GRK5: variants seen among roughly 807,000 people sequenced by gnomAD.
The protein encoded by GRK5 is G protein-coupled receptor kinase 5, also known as g protein-coupled receptor kinase GRK5.
GRK5 carries 40 observed loss-of-function variants against 78.4 expected under a neutral mutation model. The ratio of observed to expected loss-of-function variants is 0.51; its 90% CI spans 0.40 to 0.66. The LOEUF (loss-of-function observed/expected upper bound fraction) is 0.66. Ranked by LOEUF, GRK5 falls within the 30% of genes least tolerant of loss-of-function variation. The pLI, the probability that GRK5 is intolerant of heterozygous loss-of-function variation, is 0.00. For missense variants in GRK5, 598 were observed against 759.9 expected (o/e 0.79, Z 2.50); for synonymous variants, 289 against 296.8 (o/e 0.97, Z 0.27).
intron 4 of GRK5, among the ~76,000 whole-genome samples, chr10:119,410,044 C>A (rs1852308344): frequency 6.6e-6 from 1 of 152,386 alleles, no homozygotes; most frequent in African/African-American, 2.4e-5. Context: ...GTCCCGCGAG[C>A]CCCCGCGTGC....
chr10:119,425,629 C>T (rs991362113), intron 6 of GRK5, among the ~76,000 whole-genome samples: 1 of 152,252 alleles, frequency 6.6e-6, no homozygotes, highest in Non-Finnish European at 1.5e-5. Flanking sequence ...CCCTGACCTC[C>T]AGTGCCACAG....
intron 2 of GRK5, among the ~76,000 whole-genome samples, chr10:119,354,928 C>T (rs939714018): frequency 3.3e-5 from 5 of 152,216 alleles, no homozygotes; most frequent in East Asian, 1.9e-4. Context: ...TGGTATCCAT[C>T]GGGGACTGGC....
chr10:119,266,858 T>C (rs1471574460), intron 1 of GRK5, among the ~76,000 whole-genome samples: 1 of 150,296 alleles, frequency 6.7e-6, no homozygotes, highest in African/African-American at 2.4e-5. Flanking sequence ...CACTGCAGCC[T>C]TGAACTCCTG....
chr10:119,214,558 C>CTG (rs970840230), intron 1 of GRK5, among the ~76,000 whole-genome samples: 10 of 152,176 alleles, frequency 6.6e-5, no homozygotes, highest in Non-Finnish European at 4.4e-5. Flanking sequence ...GTCTTGCTGT[C>CTG]ACCCAGTCTG....
intron 3 of GRK5, among the ~76,000 whole-genome samples, chr10:119,396,406 G>C (rs1214368845): frequency 6.6e-6 from 1 of 152,228 alleles, no homozygotes; most frequent in Admixed American, 6.5e-5. Flanking sequence ...ATGGGTCTAG[G>C]GTGGGGCCTA....
chr10:119,376,426 A>T (rs1238354383), intron 2 of GRK5, among the ~76,000 whole-genome samples: 3 of 152,234 alleles, frequency 2.0e-5, no homozygotes, highest in Non-Finnish European at 4.4e-5. Flanking sequence ...GGAAACTTCT[A>T]GTATCAAAAA....
At chr10:119,375,325 G>T (rs1431418428) in intron 2 of GRK5, among the ~76,000 whole-genome samples, 1 of 151,972 alleles carries the variant, frequency 6.6e-6, no homozygotes, top group Non-Finnish European at 1.5e-5. Context: ...ATTCTCTCTG[G>T]CTTTGACCTT....
chr10:119,236,662 C>A (rs376856208), intron 1 of GRK5, among the ~76,000 whole-genome samples: 36 of 151,874 alleles, frequency 2.4e-4, no homozygotes, highest in African/African-American at 8.2e-4. Flanking sequence ...TTTTTTGAGA[C>A]GGAGTCTTGC....
chr10:119,448,509 G>T (rs370214752), intron 13 of GRK5, among the ~76,000 whole-genome samples: 1 of 152,248 alleles, frequency 6.6e-6, no homozygotes, highest in South Asian at 2.1e-4. Flanking sequence ...AGGTCTGGGG[G>T]TCCTGGACAG....
intron 6 of GRK5, among the ~76,000 whole-genome samples, chr10:119,428,562 G>A (rs1201074319): frequency 1.3e-5 from 2 of 152,174 alleles, no homozygotes; most frequent in Non-Finnish European, 2.9e-5. Context: ...GGCCTGGCAA[G>A]GCTGGAACCT....
chr10:119,384,479 G>T (rs1357090868), intron 3 of GRK5, among the ~76,000 whole-genome samples: 1 of 152,212 alleles, frequency 6.6e-6, no homozygotes, highest in East Asian at 1.9e-4. Context: ...TGTAAGTGGG[G>T]ATATAGCTGT....
Position 119,317,381 on chromosome 10 carries a change from T to C in GRK5, c.53-9135T>C, listed in dbSNP as rs1022471038. Among the ~76,000 whole-genome samples the C allele has an allele frequency of 9.7e-5, 14 of 144,266 alleles. No individual in the cohort carries two copies. The East Asian group carries it at 1.7e-3, about 17-fold the overall frequency. 94.6% of individuals were successfully genotyped at this position (144,266 alleles called of 152,430 possible). A position where few individuals can be genotyped will look rare whatever the true frequency, so the allele number is the denominator to read the frequency against. ...GTGTGTGTGTGTGTGTGTGTGTGTG[T>C]GTGCCCAAAATAGGTGTGAGGCTTG... On this transcript the variant is annotated intron_variant, in intron 1 of 15. Transcript: ENST00000392870.
Position 119,380,903 on chromosome 10 carries a change from TTA to T in GRK5, c.238_239del (p.Tyr80HisfsTer11). On this transcript the variant is annotated frameshift_variant, in exon 3 of 16. Transcript: ENST00000392870. LOFTEE classifies it high-confidence loss of function. ...GTGAAACCAGGCCTGGGCTGGAGTG[TTA>T]CATTCAGTTCCTGGACTCCGTGGTA... The part of the protein sequence containing the change: ...FCETRPGLEC[Y>X]IQFLDSVAEY... 1 of 1,612,028 alleles carries T rather than the reference TTA, an allele frequency of 6.2e-7. No individual in the cohort carries two copies. The highest frequency in any genetic ancestry group is 1.1e-5 in the South Asian group (1 of 91,022).
intron 12 of GRK5, among the ~76,000 whole-genome samples, chr10:119,447,542 CAACTT>C (rs1002395893): frequency 1.4e-4 from 22 of 152,288 alleles, no homozygotes; most frequent in Non-Finnish European, 2.2e-4. Context: ...CTGCAAGACT[CAACTT>C]AAATACCTCT....
chr10:119,346,933 T>G (rs1411093992), intron 2 of GRK5, among the ~76,000 whole-genome samples: 1 of 152,230 alleles, frequency 6.6e-6, no homozygotes, highest in African/African-American at 2.4e-5. Context: ...TCCTAGGAAC[T>G]GACGGAAGTA....
Position 119,253,227 on chromosome 10 carries a change from GAGGCCCTT to G in GRK5, c.52+45259_52+45266del, listed in dbSNP as rs1222653330. On this transcript the variant is annotated intron_variant, in intron 1 of 15. Coordinates refer to ENST00000392870, the MANE Select transcript of GRK5 (RefSeq NM_005308.3). This position sits in a 1 kb window ranked among gnomAD's most constrained non-coding sequence, Gnocchi z 5.7. ...CATCTGAGGGTCTGTTGAGATTACA[GAGGCCCTT>G]GATAGAGTCCGAAATTTGAAGGACA... is the stretch of plus-strand genomic sequence containing the variant. 6.6e-6 allele frequency among the ~76,000 whole-genome samples: 1 copy of G among 152,214 alleles called. No homozygotes were observed. Among genetic ancestry groups the G allele is most frequent in the Non-Finnish European group, 1.5e-5 (1 of 68,038 alleles).
Position 119,430,223 on chromosome 10 carries a change from A to C in GRK5, c.534-152A>C. On this transcript the variant is annotated intron_variant, in intron 6 of 15. Transcript: ENST00000392870. This position sits in a 1 kb window ranked among gnomAD's most constrained non-coding sequence, Gnocchi z 4.5. ...CTTCAGACTAAGTCCTCGAAGGTCCAGTCTCCAGCGATGATTCCTGGGGGG... is the reference window on the plus strand; with the variant it reads ...CTTCAGACTAAGTCCTCGAAGGTCCCGTCTCCAGCGATGATTCCTGGGGGG... 2.9e-6 allele frequency: 2 copies of C among 695,568 alleles called. No homozygotes were observed. The highest frequency in any genetic ancestry group is 5.1e-6 in the Non-Finnish European group (2 of 394,580). 43.1% of individuals were successfully genotyped at this position (695,568 alleles called of 1,614,324 possible).
chr10:119,366,540 G>A (rs1173915716), intron 2 of GRK5, among the ~76,000 whole-genome samples: 1 of 152,154 alleles, frequency 6.6e-6, no homozygotes, highest in Non-Finnish European at 1.5e-5. Context: ...TTCTTTTTGG[G>A]AAGAGCAACG....
chr10:119,234,288 G>A (rs920904597), intron 1 of GRK5, among the ~76,000 whole-genome samples: 6 of 152,214 alleles, frequency 3.9e-5, no homozygotes, highest in Non-Finnish European at 5.9e-5. Context: ...AACCCAGCCC[G>A]TTGAGTCTGT....
Sources: gnomAD v4.1 joint callset for allele counts (sites outside exome capture counted in the v4.1 genomes callset) on GRCh38, gnomAD v4.1.1 for gene constraint, Gnocchi (gnomAD v3.1) non-coding constraint, MANE v1.5 for transcripts, NCBI Gene and HGNC (gene_info 2026-07-23, HGNC 2026-07-21) for gene names.